Variants in ZNF600 observed in about 807,000 individuals in gnomAD.
ZNF600 encodes zinc finger protein 600.
A neutral mutation model predicts 7.3 loss-of-function variants in ZNF600; 4 were observed. The ratio of observed to expected loss-of-function variants is 0.55; its 90% CI spans 0.27 to 1.25. The LOEUF is 1.25. ZNF600 is among the 50% of genes most tolerant of loss of function. The pLI is 0.12. For missense variants in ZNF600, 911 were observed against 922.1 expected (o/e 0.99, Z 0.16); for synonymous variants, 290 against 308.9 (o/e 0.94, Z 0.64).
At chr19:52,794,633 C>T in the ZNF600 span, among the ~76,000 whole-genome samples, 2 of 152,100 alleles carry the variant, frequency 1.3e-5, no homozygotes, top group African/African-American at 4.8e-5. Flanking sequence ...AGTGGGTAGA[C>T]CATTGAGCCC....
At chr19:52,806,781 A>G in the ZNF600 span, among the ~76,000 whole-genome samples, 248 of 151,998 alleles carry the variant, frequency 1.6e-3, no homozygotes, top group Non-Finnish European at 3.2e-3. Flanking sequence ...GAGCGCCTGC[A>G]GTTCCAGCTA....
the ZNF600 span, among the ~76,000 whole-genome samples, chr19:52,818,529 A>G: frequency 2.0e-5 from 3 of 151,964 alleles, no homozygotes; most frequent in Non-Finnish European, 4.4e-5. Flanking sequence ...CCTGGCCAAC[A>G]TGGTGAAACC....
chr19:52,820,228 C>T, the ZNF600 span, among the ~76,000 whole-genome samples: 15 of 136,470 alleles, frequency 1.1e-4, 2 homozygotes, highest in Non-Finnish European at 1.7e-4. Flanking sequence ...CGCCATTCTC[C>T]TGCCTCAGCC....
At chr19:52,824,669 T>A in the ZNF600 span, among the ~76,000 whole-genome samples, 1 of 151,612 alleles carries the variant, frequency 6.6e-6, no homozygotes, top group Non-Finnish European at 1.5e-5. Flanking sequence ...AAGACGAAAA[T>A]AAAGAAAAAT....
the ZNF600 span, among the ~76,000 whole-genome samples, chr19:52,819,369 T>C: frequency 1.4e-5 from 2 of 142,938 alleles, no homozygotes; most frequent in Non-Finnish European, 3.0e-5. Context: ...TCTTTCTGAG[T>C]CTACCACTCT....
intron 2 of ZNF600, among the ~76,000 whole-genome samples, chr19:52,777,294 C>T (rs572032107): frequency 4.7e-4 from 71 of 152,266 alleles, no homozygotes; most frequent in African/African-American, 1.7e-3. Context: ...AAAAGAATTG[C>T]TTGAAGCCAG....
chr19:52,825,738 CACTT>C, the ZNF600 span, among the ~76,000 whole-genome samples: 1 of 151,896 alleles, frequency 6.6e-6, no homozygotes, highest in Non-Finnish European at 1.5e-5. Context: ...GTAATCCCAG[CACTT>C]CGGGAGGCTG....
chr19:52,773,450 G>A (rs2017790469), intron 3 of ZNF600, among the ~76,000 whole-genome samples: 1 of 152,120 alleles, frequency 6.6e-6, no homozygotes, highest in African/African-American at 2.4e-5. Flanking sequence ...ATAATCCCCT[G>A]TGTAGATTCC....
At chr19:52,803,594 A>T in the ZNF600 span, among the ~76,000 whole-genome samples, 5 of 152,042 alleles carry the variant, frequency 3.3e-5, no homozygotes, top group Non-Finnish European at 1.5e-5. Context: ...AGCACACAAC[A>T]TAAGAACTGA....
chr19:52,784,225 CAAA>C (rs916155600), intron 1 of ZNF600, among the ~76,000 whole-genome samples: 3 of 144,794 alleles, frequency 2.1e-5, no homozygotes, highest in Admixed American at 2.1e-4. Flanking sequence ...CCTGTTTCTA[CAAA>C]AAAACAAACA....
the ZNF600 span, among the ~76,000 whole-genome samples, chr19:52,811,831 C>A: frequency 6.8e-6 from 1 of 147,802 alleles, no homozygotes; most frequent in African/African-American, 2.5e-5. Context: ...CCCGGCCGCC[C>A]CTACTGGGAA....
At chr19:52,828,449 A>G in the ZNF600 span, among the ~76,000 whole-genome samples, 1 of 152,248 alleles carries the variant, frequency 6.6e-6, no homozygotes, top group Admixed American at 6.5e-5. Context: ...CCTGGGTAAC[A>G]GGGAGAGACT....
intron 1 of ZNF600, among the ~76,000 whole-genome samples, chr19:52,783,669 G>T (rs756407117): frequency 6.6e-6 from 1 of 151,782 alleles, no homozygotes; most frequent in Non-Finnish European, 1.5e-5. Context: ...CCTCCCTTCG[G>T]CATTCTATAC....
chr19:52,768,051 C>T (rs1361672499), intron 3 of ZNF600, among the ~76,000 whole-genome samples: 1 of 151,374 alleles, frequency 6.6e-6, no homozygotes, highest in Non-Finnish European at 1.5e-5. Context: ...CCACTGTGAC[C>T]CTAAAGTGTA....
the ZNF600 span, among the ~76,000 whole-genome samples, chr19:52,806,348 G>T: frequency 1.3e-5 from 2 of 151,748 alleles, no homozygotes. Context: ...CACCCACCAC[G>T]GCGCCTGGCT....
At chr19:52,776,914 A>C (rs1298319898) in intron 2 of ZNF600, among the ~76,000 whole-genome samples, 1 of 152,256 alleles carries the variant, frequency 6.6e-6, no homozygotes, top group South Asian at 2.1e-4. Context: ...GAATCACTGT[A>C]ATCTGGGAGT....
At chr19:52,830,859 T>C in the ZNF600 span, among the ~76,000 whole-genome samples, 2 of 142,854 alleles carry the variant, frequency 1.4e-5, no homozygotes, top group Admixed American at 1.4e-4. Context: ...GGAGTGAACT[T>C]TGTGCATGCA....
At chr19:52,830,732 G>A in the ZNF600 span, among the ~76,000 whole-genome samples, 1 of 151,502 alleles carries the variant, frequency 6.6e-6, no homozygotes, top group Admixed American at 6.6e-5. Flanking sequence ...GGGGAAATTG[G>A]GGTGTTCACT....
chr19:52,810,520 G>A, the ZNF600 span: 2 of 1,594,500 alleles, frequency 1.3e-6, no homozygotes, highest in East Asian at 4.5e-5. Context: ...AAATCAAGGT[G>A]ATCCCAAAGC....
Sources: gnomAD v4.1 joint callset for allele counts (sites outside exome capture counted in the v4.1 genomes callset) on GRCh38, gnomAD v4.1.1 for gene constraint, MANE v1.5 for transcripts, NCBI Gene and HGNC (gene_info 2026-07-23, HGNC 2026-07-21) for gene names.